NKAIN2: variants seen among roughly 807,000 people sequenced by gnomAD.
The protein encoded by NKAIN2 is sodium/potassium-transporting ATPase subunit beta-1-interacting protein 2.
NKAIN2 carries 14 observed loss-of-function variants against 32.6 expected under a neutral mutation model. The observed-to-expected ratio is 0.43, with a 90% CI of 0.28 to 0.67. NKAIN2 has a LOEUF of 0.67. Among genes scored for constraint, NKAIN2 ranks in the 30% least tolerant of loss-of-function variants. The pLI is 0.17. For synonymous variants in NKAIN2, 80 were observed against 87.2 expected, an observed-to-expected ratio of 0.92 and a Z score of 0.46; for missense variants, 198 against 258.3, an observed-to-expected ratio of 0.77 and a Z score of 1.60.
At chr6:124,729,532 T>G (rs1342546870) in intron 4 of NKAIN2, among the ~76,000 whole-genome samples, 1 of 151,348 alleles carries the variant, frequency 6.6e-6, no homozygotes, top group Non-Finnish European at 1.5e-5. Flanking sequence ...AAACTCTCAA[T>G]AAATTAGGTA....
At chr6:124,279,932 G>A (rs1582980472) in intron 1 of NKAIN2, among the ~76,000 whole-genome samples, 1 of 152,118 alleles carries the variant, frequency 6.6e-6, no homozygotes, top group African/African-American at 2.4e-5. Flanking sequence ...TGGAAGGGAA[G>A]ATAATTCTTT....
intron 4 of NKAIN2, among the ~76,000 whole-genome samples, chr6:124,725,531 T>G (rs1776238389): frequency 6.6e-6 from 1 of 152,224 alleles, no homozygotes; most frequent in Non-Finnish European, 1.5e-5. Flanking sequence ...TGTCTTCCCA[T>G]GAATATCATA....
At chr6:124,718,255 C>T (rs746543941) in intron 4 of NKAIN2, among the ~76,000 whole-genome samples, 3 of 152,094 alleles carry the variant, frequency 2.0e-5, no homozygotes, top group Admixed American at 1.3e-4. Flanking sequence ...TTCTCCCATC[C>T]CCTGGCAACT....
Position 124,195,267 on chromosome 6 carries a change from A to G in NKAIN2, c.55-87738A>G, listed in dbSNP as rs1300823246. On this transcript the variant is annotated intron_variant, in intron 1 of 6. Coordinates refer to ENST00000368417, the MANE Select transcript of NKAIN2 (RefSeq NM_001040214.3). ...TACATTAGTTGTGAGATCTCATTAA[A>G]ACTACATCAATTTCCATAGAATGTA... Among the ~76,000 whole-genome samples, 3 of 152,036 alleles carry G rather than the reference A, an allele frequency of 2.0e-5. No homozygotes were observed. The East Asian group carries it at 5.8e-4, about 29-fold the overall frequency.
chr6:123,968,501 C>T (rs1778194367), intron 1 of NKAIN2, among the ~76,000 whole-genome samples: 1 of 152,108 alleles, frequency 6.6e-6, no homozygotes, highest in African/African-American at 2.4e-5. Flanking sequence ...TGTTTTGTAT[C>T]ATCTGAGCTC....
intron 3 of NKAIN2, among the ~76,000 whole-genome samples, chr6:124,557,658 TA>T (rs1439216550): frequency 3.3e-5 from 5 of 152,206 alleles, no homozygotes; most frequent in Admixed American, 6.5e-5. Flanking sequence ...GAGTTTTTAT[TA>T]TTTACTTTGC....
intron 3 of NKAIN2, among the ~76,000 whole-genome samples, chr6:124,573,212 AG>A (rs1235088032): frequency 1.3e-5 from 2 of 152,230 alleles, no homozygotes; most frequent in Non-Finnish European, 2.9e-5. Flanking sequence ...CATACACAAA[AG>A]CATGAAGCAG....
intron 1 of NKAIN2, among the ~76,000 whole-genome samples, chr6:123,954,440 C>A (rs1305568856): frequency 1.3e-5 from 2 of 152,138 alleles, no homozygotes; most frequent in African/African-American, 4.8e-5. Flanking sequence ...TGGGGAGCTC[C>A]CCCCAAATCC....
intron 3 of NKAIN2, among the ~76,000 whole-genome samples, chr6:124,637,411 G>T (rs1216127131): frequency 6.6e-6 from 1 of 151,934 alleles, no homozygotes; most frequent in African/African-American, 2.4e-5. Context: ...GAAAGAAAAA[G>T]AGGGCATCCA....
intron 4 of NKAIN2, among the ~76,000 whole-genome samples, chr6:124,786,347 G>C (rs1779504968): frequency 6.6e-6 from 1 of 152,048 alleles, no homozygotes; most frequent in African/African-American, 2.4e-5. Context: ...ATAGGGAAAG[G>C]TATCCTTCCC....
At chr6:124,001,724 G>A (rs995528563) in intron 1 of NKAIN2, among the ~76,000 whole-genome samples, 4 of 149,168 alleles carry the variant, frequency 2.7e-5, no homozygotes, top group Non-Finnish European at 4.5e-5. Flanking sequence ...AAAAACAAGT[G>A]GATTCTATAA....
At chr6:124,656,218 C>A (rs960922643) in intron 3 of NKAIN2, among the ~76,000 whole-genome samples, 1 of 152,166 alleles carries the variant, frequency 6.6e-6, no homozygotes, top group Non-Finnish European at 1.5e-5. Context: ...AATAGCAGAT[C>A]TCCTACTTTT....
chr6:124,784,637 C>T (rs938901999), intron 4 of NKAIN2, among the ~76,000 whole-genome samples: 1 of 152,084 alleles, frequency 6.6e-6, no homozygotes, highest in African/African-American at 2.4e-5. Context: ...CACAGAATGA[C>T]GCTGGGGTTG....
At chr6:124,484,728 T>C (rs7767478) in intron 3 of NKAIN2, among the ~76,000 whole-genome samples, 44,336 of 152,018 alleles carry the variant, frequency 0.29, 7,002 homozygotes, top group African/African-American at 0.41. Flanking sequence ...TGGTTTTTCA[T>C]AGGCAAGAGA....
chr6:124,501,024 C>T (rs900558353), intron 3 of NKAIN2, among the ~76,000 whole-genome samples: 2 of 152,044 alleles, frequency 1.3e-5, no homozygotes, highest in Admixed American at 6.6e-5. Flanking sequence ...ACAAGCAGTG[C>T]GGAGCCATTG....
At chr6:124,591,195 G>A (rs892084218) in intron 3 of NKAIN2, among the ~76,000 whole-genome samples, 6 of 152,206 alleles carry the variant, frequency 3.9e-5, no homozygotes, top group African/African-American at 9.6e-5. Context: ...GAATTGGAAT[G>A]TACCATCACA....
At chr6:124,403,634 A>T (rs1178666626) in intron 3 of NKAIN2, among the ~76,000 whole-genome samples, 1 of 152,232 alleles carries the variant, frequency 6.6e-6, no homozygotes, top group Non-Finnish European at 1.5e-5. Context: ...ATTTTGCTAG[A>T]CACTAGTAAA....
At chr6:124,802,240 A>C (rs528065634) in intron 5 of NKAIN2, among the ~76,000 whole-genome samples, 173 of 152,280 alleles carry the variant, frequency 1.1e-3, no homozygotes, top group African/African-American at 3.9e-3. Context: ...CCAAAACCCT[A>C]ATTAAAACTC....
intron 1 of NKAIN2, among the ~76,000 whole-genome samples, chr6:123,830,041 T>C (rs1774312306): frequency 6.6e-6 from 1 of 152,292 alleles, no homozygotes; most frequent in African/African-American, 2.4e-5. Context: ...CCTTAAATGT[T>C]AGGGAAATGG....
Sources: allele counts gnomAD v4.1 joint callset (sites outside exome capture counted in the v4.1 genomes callset), GRCh38; gene constraint gnomAD v4.1.1; transcripts MANE v1.5; gene names NCBI Gene and HGNC (gene_info 2026-07-23, HGNC 2026-07-21).